Variants in DGKZ observed in about 807,000 individuals in gnomAD.
DGKZ encodes DAG kinase zeta.
Under a neutral mutation model 142.5 loss-of-function variants are expected in DGKZ, and 45 were observed. The observed-to-expected ratio is 0.32, with a 90% confidence interval of 0.25 to 0.40. DGKZ has a LOEUF of 0.40. Ranked by LOEUF, DGKZ falls within the 10% of genes least tolerant of loss-of-function variation. The pLI is 1.00. For synonymous variants in DGKZ, 442 were observed against 527.0 expected (o/e 0.84, Z 2.21); for missense variants, 755 against 1,306.5 (o/e 0.58, Z 6.51).
At chr11:46,374,828 G>C (rs773353032) in exon 18 of DGKZ, 2 of 1,595,468 alleles carry the variant, frequency 1.3e-6, no homozygotes, top group Admixed American at 1.7e-5. Context: ...TTGTTTTCCT[G>C]AACATCCCCA....
At chr11:46,373,137 TGACTGGG>T in intron 14 of DGKZ, 36 bp downstream of exon 14, 3 of 1,517,306 alleles carry the variant, frequency 2.0e-6, no homozygotes, top group Non-Finnish European at 2.6e-6. Context: ...GCAGGGCAGG[TGACTGGG>T]GACTGGATCC....
At position 46,368,141 on chromosome 11, in the gene DGKZ, G is replaced by A. The variant is rs572409883; in HGVS notation, c.444+62G>A. The A allele has an allele frequency of 4.8e-4, 737 of 1,534,954 alleles. 8 individuals are homozygous for A. The South Asian group carries it at 6.5e-3, about 13-fold the overall frequency. ...TTGGGTGCTGAGGCCCTTTCAGCGC[G>A]CACTCACACCCACATGTTATACAAA... On this transcript the variant is annotated intron_variant, in intron 4 of 30. Coordinates refer to ENST00000527911, the Ensembl canonical transcript of DGKZ.
At chr11:46,363,803 G>C (rs745311659) in intron 1 of DGKZ, among the ~76,000 whole-genome samples, 31 of 152,228 alleles carry the variant, frequency 2.0e-4, no homozygotes, top group Non-Finnish European at 3.7e-4. Flanking sequence ...ACCCTGGGGA[G>C]GGCTGGCAGG....
At chr11:46,363,879 C>G (rs1942965139) in intron 1 of DGKZ, among the ~76,000 whole-genome samples, 1 of 152,162 alleles carries the variant, frequency 6.6e-6, no homozygotes, top group East Asian at 1.9e-4. Flanking sequence ...CAAAGCAGGC[C>G]CCAGGTCGGG....
In DGKZ at chr11:46,376,413, G is replaced by T. The variant is rs1320493890; in HGVS notation, c.2161+16G>T. ...TTCCTGGACGGTGAGTCTACTCCCA[G>T]GGTGCCAAGCTGTTTCGTGTTCCCT... On this transcript the variant is annotated intron_variant, in intron 23 of 30. Transcript: ENST00000527911. The T allele has an allele frequency of 6.2e-7, 1 of 1,614,108 alleles. No homozygotes were observed. The highest frequency in any genetic ancestry group is 1.7e-5 in the Admixed American group (1 of 60,022).
chr11:46,360,966 A>G (rs1298994677), intron 1 of DGKZ, among the ~76,000 whole-genome samples: 5 of 152,158 alleles, frequency 3.3e-5, no homozygotes, highest in Admixed American at 3.3e-4. Context: ...CAGAAGACCC[A>G]GAAGCTGGAG....
chr11:46,366,731 C>T, intron 1 of DGKZ: 1 of 1,552,790 alleles, frequency 6.4e-7, no homozygotes, highest in Non-Finnish European at 8.7e-7. Context: ...ACCCCGCTAC[C>T]TGCGCCGAGC....
chr11:46,378,942 G>T, intron 27 of DGKZ, 49 bp from the exon 28 acceptor site: 1 of 1,504,218 alleles, frequency 6.6e-7, no homozygotes, highest in East Asian at 2.3e-5. Flanking sequence ...GCTCAGGGAA[G>T]GAGGGGTGGC....
intron 6 of DGKZ, among the ~76,000 whole-genome samples, chr11:46,370,673 G>A (rs901165342): frequency 2.6e-5 from 4 of 152,246 alleles, no homozygotes; most frequent in African/African-American, 9.6e-5. Context: ...TTAGCCTGCA[G>A]TGTGGCAGAA....
At chr11:46,335,282 C>G (rs1361126802) in intron 1 of DGKZ, among the ~76,000 whole-genome samples, 2 of 150,760 alleles carry the variant, frequency 1.3e-5, no homozygotes, top group Non-Finnish European at 1.5e-5. Context: ...CCACTGTACT[C>G]TAGCCTGGCG....
rs975753053 is a variant in DGKZ at position 46,337,022 on chromosome 11, A to G, written c.212+3535A>G. 2.0e-5 allele frequency among the ~76,000 whole-genome samples: 3 copies of G among 152,182 alleles called. No homozygotes were observed. The East Asian group carries it at 5.8e-4, about 29-fold the overall frequency. ...GGAGATAGAGTGAGATCCTGTCTCT[A>G]AAAAAAGTGGGGGGCAAGGCAGTAG... On this transcript the variant is annotated intron_variant, in intron 1 of 30. Transcript: ENST00000343674.
chr11:46,369,823 C>A, intron 5 of DGKZ, 118 bp from the exon 6 acceptor site: 1 of 1,113,378 alleles, frequency 9.0e-7, no homozygotes, highest in Non-Finnish European at 1.3e-6. Flanking sequence ...CTCCTCCACT[C>A]ATGCGCAGGA....
chr11:46,337,400 A>G (rs1355446536), intron 1 of DGKZ, among the ~76,000 whole-genome samples: 1 of 149,736 alleles, frequency 6.7e-6, no homozygotes, highest in Non-Finnish European at 1.5e-5. Flanking sequence ...GGTTCAAGCA[A>G]TTCTCCTGCC....
At chr11:46,343,895 C>G (rs1940401202), upstream of DGKZ, among the ~76,000 whole-genome samples, 1 of 152,106 alleles carries the variant, frequency 6.6e-6, no homozygotes, top group South Asian at 2.1e-4. Flanking sequence ...CCTCCCCCTG[C>G]CTAAGTCACT....
At chr11:46,343,739 CA>C (rs1940393448), upstream of DGKZ, among the ~76,000 whole-genome samples, 1 of 152,208 alleles carries the variant, frequency 6.6e-6, no homozygotes, top group South Asian at 2.1e-4. Context: ...TCTCCAGACA[CA>C]AATACATTCT....
upstream of DGKZ, among the ~76,000 whole-genome samples, chr11:46,347,196 G>A (rs970302266): frequency 6.6e-6 from 1 of 152,170 alleles, no homozygotes; most frequent in Admixed American, 6.5e-5. The surrounding 1 kb of genome is among the most constrained non-coding windows in gnomAD (Gnocchi z 6.4). Flanking sequence ...GAGGAAAGAT[G>A]CGCGTCTGGA....
chr11:46,372,006 G>C lies in DGKZ; in HGVS notation c.832-69G>C. The C allele has an allele frequency of 6.9e-7, 1 of 1,444,648 alleles. No homozygotes were observed. Among genetic ancestry groups the C allele is most frequent in the South Asian group, 1.2e-5 (1 of 82,502 alleles). 89.5% of individuals were successfully genotyped at this position (1,444,648 alleles called of 1,614,324 possible). On this transcript the variant is annotated intron_variant, in intron 9 of 30. Transcript: ENST00000527911. This position sits in a 1 kb window ranked among gnomAD's most constrained non-coding sequence, Gnocchi z 5.9. The stretch of plus-strand genomic sequence containing the variant: ...AAGAGGGAACAAAGTCACCCAGGGG[G>C]CCTGCTAAGGATGATGGTAGGGTGT...
intron 1 of DGKZ, among the ~76,000 whole-genome samples, chr11:46,357,399 G>C (rs940632591): frequency 2.6e-5 from 4 of 152,222 alleles, no homozygotes; most frequent in African/African-American, 9.7e-5. Flanking sequence ...CACTCTTGGG[G>C]TCCTCTAGAG....
chr11:46,352,956 C>A (rs566699558), intron 1 of DGKZ, among the ~76,000 whole-genome samples: 4 of 152,216 alleles, frequency 2.6e-5, no homozygotes, highest in Admixed American at 2.6e-4. Context: ...TGCCATCTTT[C>A]CTCTTCACCC....
Sources: allele counts gnomAD v4.1 joint callset (sites outside exome capture counted in the v4.1 genomes callset), GRCh38; gene constraint gnomAD v4.1.1; non-coding constraint Gnocchi (gnomAD v3.1); transcripts MANE v1.5; gene names NCBI Gene and HGNC (gene_info 2026-07-23, HGNC 2026-07-21).